Variants in HEATR5A observed in about 807,000 individuals in gnomAD.
The protein encoded by HEATR5A is HEAT repeat-containing protein 5A.
In HEATR5A, 178 loss-of-function variants were observed where a neutral mutation model predicts 218.8. That is an observed-to-expected ratio of 0.81 (90% CI 0.72 to 0.92). The LOEUF (loss-of-function observed/expected upper bound fraction) is 0.92, where lower values mean the gene tolerates loss of function less well. HEATR5A is among the 40% of genes least tolerant of loss of function. The pLI is 0.00. For missense variants in HEATR5A, 2,420 were observed against 2,418.9 expected, an observed-to-expected ratio of 1.00 and a Z score of -0.01; for synonymous variants, 864 against 871.6, an observed-to-expected ratio of 0.99 and a Z score of 0.15.
At position 31,387,279 on chromosome 14, in the gene HEATR5A, G is replaced by T. The variant is rs1456937622; in HGVS notation, c.1030C>A (p.His344Asn). The change falls in exon 8 of 36, where the codon CAC becomes AAC. Residue 344 changes from histidine (H) to asparagine (N), a missense_variant. Physicochemically the swap from His to Asn is moderately conservative, Grantham distance 68 (BLOSUM62 1). Coordinates refer to ENST00000543095, the MANE Select transcript of HEATR5A (RefSeq NM_015473.4). ...ATCTGAGTTTGGGTGGCTTTAGGGT[G>T]TGACGGTGACGCAAGGCTTAGGATA... ...SHILSLASPS[H>N]PKATQTQIDA... 12 of 1,614,010 alleles carry T rather than the reference G, an allele frequency of 7.4e-6. No homozygotes were observed. Among genetic ancestry groups the T allele is most frequent in the African/African-American group, 6.7e-5 (5 of 75,038 alleles).
At chr14:31,322,321 A>T (rs898085113) in intron 24 of HEATR5A, among the ~76,000 whole-genome samples, 6 of 152,228 alleles carry the variant, frequency 3.9e-5, no homozygotes, top group Admixed American at 3.9e-4. Context: ...TTTAACTGAG[A>T]GCACAGGAAT....
At chr14:31,324,667 T>C (rs78080676) in intron 23 of HEATR5A, among the ~76,000 whole-genome samples, 2,559 of 144,908 alleles carry the variant, frequency 0.018, 58 homozygotes, top group African/African-American at 0.059. Context: ...AATCAGTCTA[T>C]GCACACATGT....
At chr14:31,304,652 G>A (rs576133751) in intron 32 of HEATR5A, among the ~76,000 whole-genome samples, 2 of 152,192 alleles carry the variant, frequency 1.3e-5, no homozygotes, top group East Asian at 3.9e-4. Context: ...CCTGACCTCA[G>A]GTGATCCACC....
rs758891094 is a variant in HEATR5A at position 31,387,113 on chromosome 14, T to A, written c.1189+7A>T. ...GTTAAACAAACTGTCTTAGTAGAGA[T>A]CCATACCCATAACTTTCTTTAGCTT... On this transcript the variant is annotated splice_region_variant and intron_variant, in intron 8 of 35. Transcript: ENST00000543095. The A allele has an allele frequency of 1.2e-6, 2 of 1,613,762 alleles. No homozygotes were observed. Among genetic ancestry groups the A allele is most frequent in the South Asian group, 2.2e-5 (2 of 91,080 alleles).
At chr14:31,352,573 T>C (rs1478626516) in intron 16 of HEATR5A, among the ~76,000 whole-genome samples, 1 of 152,166 alleles carries the variant, frequency 6.6e-6, no homozygotes, top group Non-Finnish European at 1.5e-5. Context: ...AACCTAACTG[T>C]ACAAGGAGTT....
At chr14:31,364,706 A>C (rs973113694) in intron 13 of HEATR5A, among the ~76,000 whole-genome samples, 4 of 150,308 alleles carry the variant, frequency 2.7e-5, no homozygotes, top group Admixed American at 6.6e-5. Context: ...TTACAGGCCC[A>C]AGCCACCACA....
At chr14:31,394,629 G>C (rs7157614) in intron 5 of HEATR5A, among the ~76,000 whole-genome samples, 90,146 of 151,706 alleles carry the variant, frequency 0.59, 27,216 homozygotes, top group East Asian at 0.83. Context: ...TCCTGGCTAA[G>C]ATGGTGGAAC....
At chr14:31,396,601 T>C (rs74355983) in intron 4 of HEATR5A, among the ~76,000 whole-genome samples, 2,207 of 152,288 alleles carry the variant, frequency 0.014, 148 homozygotes, top group Admixed American at 0.11. Context: ...TTCATAGTAA[T>C]ATTGTTAATT....
intron 20 of HEATR5A, among the ~76,000 whole-genome samples, chr14:31,344,268 CTTTTTTTTTTTTTTTT>C (rs577497140): frequency 7.9e-5 from 4 of 50,810 alleles, no homozygotes; most frequent in Non-Finnish European, 7.4e-5. Context: ...ATTAGTTATT[CTTTTTTTTTTTTTTTT>C]TTTTTTTTTT....
intron 13 of HEATR5A, among the ~76,000 whole-genome samples, chr14:31,365,491 G>C (rs972193943): frequency 6.6e-6 from 1 of 152,046 alleles, no homozygotes; most frequent in South Asian, 2.1e-4. Flanking sequence ...CTACTGACTA[G>C]CTGGGACTAC....
Position 31,347,811 on chromosome 14 carries a change from GTGT to G in HEATR5A, c.2802_2804del (p.Gln934del). 6.2e-7 allele frequency: 1 copy of G among 1,610,264 alleles called. No homozygotes were observed. The highest frequency in any genetic ancestry group is 8.5e-7 in the Non-Finnish European group (1 of 1,178,008). ...AAAGGATTCCAATACAAGAATTTAG[GTGT>G]TGAGAAGAACTTATTCCTCCTAAAT... On this transcript the variant is annotated inframe_deletion, in exon 19 of 36. Transcript: ENST00000543095.
At chr14:31,308,901 A>C (rs754082385) in intron 29 of HEATR5A, 33 bp downstream of exon 29, 8 of 1,566,984 alleles carry the variant, frequency 5.1e-6, no homozygotes, top group Non-Finnish European at 6.1e-6. Context: ...AAAACCCCTA[A>C]GGTTGTAAAC....
chr14:31,296,176 T>C, intron 33 of HEATR5A, 113 bp from the exon 34 acceptor site: 1 of 726,478 alleles, frequency 1.4e-6, no homozygotes, highest in South Asian at 2.1e-5. Flanking sequence ...ATACACACAA[T>C]GAACGCTGAC....
chr14:31,402,996 G>C lies in HEATR5A; in HGVS notation c.-21C>G. The C allele has an allele frequency of 6.5e-7, 1 of 1,532,030 alleles. No individual in the cohort carries two copies. Among genetic ancestry groups the C allele is most frequent in the Non-Finnish European group, 8.7e-7 (1 of 1,144,414 alleles). The allele number at this position is 1,532,030 out of a possible 1,614,324, so 94.9% of individuals were successfully genotyped here. Reference sequence around the variant, plus strand: ...TCCATTCCTTGCAGCAATCCTCCCAGCTGATCACAGTTCTTCTCGTTAAAC... The same window carrying C: ...TCCATTCCTTGCAGCAATCCTCCCACCTGATCACAGTTCTTCTCGTTAAAC... On this transcript the variant is annotated 5_prime_UTR_variant, in exon 2 of 36. Coordinates refer to ENST00000543095, the MANE Select transcript of HEATR5A (RefSeq NM_015473.4).
In HEATR5A at chr14:31,305,177, A is replaced by T; in HGVS notation, c.4967T>A (p.Val1656Asp). The change falls in exon 32 of 36, where the codon GTT (valine) becomes GAT (aspartate). Residue 1656 changes from valine to aspartate, a missense_variant and splice_region_variant. Coordinates refer to ENST00000543095, the MANE Select transcript of HEATR5A (RefSeq NM_015473.4). ...HVKEKRRSAE[V>D]DDGAAEKETL... ...TTCCTTTTCAGCAGCCCCATCATCA[A>T]CTAAAAGAAAGAATAGTGTTTAATA... 1 of 1,612,338 alleles carries T rather than the reference A, an allele frequency of 6.2e-7. No individual in the cohort carries two copies. Among genetic ancestry groups the T allele is most frequent in the East Asian group, 2.2e-5 (1 of 44,878 alleles).
chr14:31,295,843 CAG>C (rs1899172709), intron 34 of HEATR5A, 64 bp downstream of exon 34: 23 of 1,355,450 alleles, frequency 1.7e-5, no homozygotes, highest in Non-Finnish European at 2.3e-5. Flanking sequence ...CAAAATCACA[CAG>C]AAAATTTTCT....
chr14:31,331,808 G>T (rs1900482124), intron 22 of HEATR5A, among the ~76,000 whole-genome samples: 1 of 152,082 alleles, frequency 6.6e-6, no homozygotes, highest in African/African-American at 2.4e-5. Context: ...GAACTGAAGG[G>T]GCAAGAGCCC....
rs138654108 is a variant in HEATR5A at position 31,370,454 on chromosome 14, A to C, written c.1961+1356T>G. ...TTGGATGGGGTAGAATTGATAACTG[A>C]GTAAGTGTTGGTGAAAAAGTGGGTC... is the stretch of plus-strand genomic sequence containing the variant. On this transcript the variant is annotated intron_variant, in intron 13 of 35. Transcript: ENST00000543095. 4.0e-3 allele frequency among the ~76,000 whole-genome samples: 606 copies of C among 152,366 alleles called. 4 individuals are homozygous for C. Among genetic ancestry groups the C allele is most frequent in the African/African-American group, 0.014 (582 of 41,588 alleles).
intron 6 of HEATR5A, among the ~76,000 whole-genome samples, chr14:31,393,340 T>C (rs566275762): frequency 6.6e-6 from 1 of 152,192 alleles, no homozygotes; most frequent in African/African-American, 2.4e-5. Context: ...TGAAATCCCA[T>C]CTCCACAAAA....
Sources: allele counts gnomAD v4.1 joint callset (sites outside exome capture counted in the v4.1 genomes callset), GRCh38; gene constraint gnomAD v4.1.1; transcripts MANE v1.5; gene names NCBI Gene and HGNC (gene_info 2026-07-23, HGNC 2026-07-21).